CDH12: variants seen among roughly 807,000 people sequenced by gnomAD.
The protein encoded by CDH12 is cadherin-12.
A neutral mutation model predicts 74.1 loss-of-function variants in CDH12; 41 were observed. That is an observed-to-expected ratio of 0.55 (90% confidence interval 0.43 to 0.72). The LOEUF is 0.72. Among genes scored for constraint, CDH12 ranks in the 30% least tolerant of loss-of-function variants. The pLI, the probability that CDH12 is intolerant of heterozygous loss-of-function variation, is 0.00. For synonymous variants in CDH12, 399 were observed against 355.0 expected, an observed-to-expected ratio of 1.12 and a Z score of -1.39; for missense variants, 945 against 977.2, an observed-to-expected ratio of 0.97 and a Z score of 0.44.
chr5:22,757,493 G>A (rs1334702468), intron 1 of CDH12, among the ~76,000 whole-genome samples: 1 of 151,874 alleles, frequency 6.6e-6, no homozygotes. Context: ...ATGGTATATG[G>A]GATTATCAGC....
chr5:22,800,350 G>A (rs766702688), intron 1 of CDH12, among the ~76,000 whole-genome samples: 13 of 152,122 alleles, frequency 8.5e-5, no homozygotes, highest in Non-Finnish European at 1.5e-4. Context: ...GTTGAAGTAA[G>A]ATTTCTCCTG....
intron 3 of CDH12, among the ~76,000 whole-genome samples, chr5:22,307,346 C>T (rs911824100): frequency 1.3e-5 from 2 of 152,164 alleles, no homozygotes; most frequent in African/African-American, 2.4e-5. Context: ...CAGTACATGC[C>T]GTCTTTAAAA....
At chr5:21,862,501 T>A (rs1330211591) in intron 6 of CDH12, among the ~76,000 whole-genome samples, 1 of 152,116 alleles carries the variant, frequency 6.6e-6, no homozygotes, top group African/African-American at 2.4e-5. Flanking sequence ...GTTAAAGTAG[T>A]CATAGTTAAT....
At chr5:21,981,602 TCCGTTTCTTCTCC>T (rs1169226506) in intron 5 of CDH12, among the ~76,000 whole-genome samples, 1 of 152,146 alleles carries the variant, frequency 6.6e-6, no homozygotes, top group East Asian at 1.9e-4. Context: ...TACATCTCCT[TCCGTTTCTTCTCC>T]CCGTCCCCCA....
At chr5:22,543,237 GAAC>G (rs891156094) in intron 1 of CDH12, among the ~76,000 whole-genome samples, 2 of 151,962 alleles carry the variant, frequency 1.3e-5, no homozygotes, top group African/African-American at 4.8e-5. Flanking sequence ...TGTAAATCAA[GAAC>G]AACTTCTTAA....
chr5:22,356,955 T>C (rs1274528703), intron 3 of CDH12, among the ~76,000 whole-genome samples: 1 of 152,148 alleles, frequency 6.6e-6, no homozygotes, highest in East Asian at 1.9e-4. Context: ...CAGTTAATTT[T>C]TGAATAATTA....
At chr5:21,880,562 C>CCTTCCTTCCCTT (rs1561268003) in intron 6 of CDH12, among the ~76,000 whole-genome samples, 21 of 51,812 alleles carry the variant, frequency 4.1e-4, no homozygotes, top group Non-Finnish European at 6.7e-4. Flanking sequence ...TTCCTTCCTT[C>CCTTCCTTCCCTT]CCTTCTTTCT....
chr5:22,127,376 C>T (rs1173478006), intron 4 of CDH12, among the ~76,000 whole-genome samples: 1 of 151,362 alleles, frequency 6.6e-6, no homozygotes, highest in Non-Finnish European at 1.5e-5. Flanking sequence ...ACTCGGGAGG[C>T]TGAGACAGGA....
chr5:22,696,240 G>A (rs1742352231), intron 1 of CDH12, among the ~76,000 whole-genome samples: 2 of 151,636 alleles, frequency 1.3e-5, no homozygotes, highest in African/African-American at 2.4e-5. Flanking sequence ...GCGTGGTGGC[G>A]GGCACCTGTA....
At chr5:22,838,354 T>C (rs1234298508) in intron 1 of CDH12, among the ~76,000 whole-genome samples, 2 of 152,158 alleles carry the variant, frequency 1.3e-5, no homozygotes, top group Admixed American at 1.3e-4. Flanking sequence ...CCTGCACCCG[T>C]GCTTCAGGCA....
At chr5:22,552,427 T>C (rs1437146867) in intron 1 of CDH12, among the ~76,000 whole-genome samples, 3 of 151,608 alleles carry the variant, frequency 2.0e-5, no homozygotes, top group Admixed American at 2.0e-4. Flanking sequence ...ACCCCCATTT[T>C]CTTTTCTTTT....
intron 2 of CDH12, among the ~76,000 whole-genome samples, chr5:22,428,577 G>A (rs1744039449): frequency 6.6e-6 from 1 of 152,088 alleles, no homozygotes; most frequent in South Asian, 2.1e-4. Context: ...ATCAACGACA[G>A]TGATATAAAT....
chr5:22,056,514 G>A (rs995977893), intron 5 of CDH12, among the ~76,000 whole-genome samples: 8 of 152,172 alleles, frequency 5.3e-5, no homozygotes, highest in Non-Finnish European at 8.8e-5. Flanking sequence ...GGTCAACTAA[G>A]AAATAATCGT....
chr5:21,985,698 T>G (rs1474923809), intron 5 of CDH12, among the ~76,000 whole-genome samples: 1 of 152,146 alleles, frequency 6.6e-6, no homozygotes, highest in African/African-American at 2.4e-5. Context: ...GCTAGATTCT[T>G]CCTGGTAAAC....
intron 5 of CDH12, among the ~76,000 whole-genome samples, chr5:22,011,671 T>C (rs1398344391): frequency 2.0e-5 from 3 of 152,182 alleles, no homozygotes; most frequent in South Asian, 4.1e-4. Flanking sequence ...TTCTTTCATT[T>C]TGATGTCCTC....
chr5:21,766,650 C>A (rs1207320456), intron 11 of CDH12, among the ~76,000 whole-genome samples: 1 of 151,860 alleles, frequency 6.6e-6, no homozygotes, highest in Non-Finnish European at 1.5e-5. Context: ...AGATCTGTTT[C>A]TGTTATTGCT....
chr5:22,051,704 AG>A (rs1328988166), intron 5 of CDH12, among the ~76,000 whole-genome samples: 1 of 152,180 alleles, frequency 6.6e-6, no homozygotes, highest in Non-Finnish European at 1.5e-5. Context: ...AATCATTTTA[AG>A]TATTTCTCCT....
At chr5:21,822,047 C>T (rs150662645) in intron 8 of CDH12, among the ~76,000 whole-genome samples, 13 of 151,980 alleles carry the variant, frequency 8.6e-5, no homozygotes, top group African/African-American at 2.4e-4. Context: ...AGCTCTGTGA[C>T]CCTGGGCAAA....
At chr5:22,437,381 A>C (rs1353009950) in intron 2 of CDH12, among the ~76,000 whole-genome samples, 1 of 151,846 alleles carries the variant, frequency 6.6e-6, no homozygotes, top group African/African-American at 2.4e-5. Context: ...TTTTTAAGTT[A>C]TATTTGATTC....
Sources: allele counts gnomAD v4.1 joint callset (sites outside exome capture counted in the v4.1 genomes callset), GRCh38; gene constraint gnomAD v4.1.1; transcripts MANE v1.5; gene names NCBI Gene and HGNC (gene_info 2026-07-23, HGNC 2026-07-21).